Variants in SLC17A5 observed in about 807,000 individuals in gnomAD.
SLC17A5 encodes the protein solute carrier family 17 member 5.
SLC17A5 carries 47 observed loss-of-function variants against 59.4 expected under a neutral mutation model. The observed-to-expected ratio is 0.79, with a 90% CI of 0.63 to 1.01. SLC17A5 has a LOEUF of 1.01. Ranked by LOEUF, SLC17A5 falls within the 50% of genes least tolerant of loss-of-function variation. The pLI, the probability that SLC17A5 is intolerant of heterozygous loss-of-function variation, is 0.00. For synonymous variants in SLC17A5, 202 were observed against 210.7 expected (o/e 0.96, Z 0.36); for missense variants, 522 against 595.5 (o/e 0.88, Z 1.28).
Position 73,597,068 on chromosome 6 carries a change from G to A in SLC17A5, c.1351-1854C>T, listed in dbSNP as rs554016425. ...CCCAGCTACTCGGGAGGCTGAGGCA[G>A]GAGAATTGCTTGAACCTGGGAGGCG... On this transcript the variant is annotated intron_variant, in intron 10 of 10. Coordinates refer to ENST00000355773, the MANE Select transcript of SLC17A5 (RefSeq NM_012434.5). Among the ~76,000 whole-genome samples the A allele has an allele frequency of 3.3e-5, 5 of 152,266 alleles. No homozygotes were observed. The East Asian group carries it at 9.7e-4, about 29-fold the overall frequency.
chr6:73,648,689 T>C (rs1009569094), intron 1 of SLC17A5, among the ~76,000 whole-genome samples: 2 of 152,130 alleles, frequency 1.3e-5, no homozygotes, highest in Non-Finnish European at 2.9e-5. Flanking sequence ...GACAAAGTAC[T>C]ATGTACGTAT....
chr6:73,638,411 C>T lies in SLC17A5; in HGVS notation c.613+1G>A, dbSNP rs1769124033. On this transcript the variant is annotated splice_donor_variant, in intron 4 of 10. Coordinates refer to ENST00000355773, the MANE Select transcript of SLC17A5 (RefSeq NM_012434.5). LOFTEE classifies it high-confidence loss of function. ...GCAAAATTTGGTAATTGTTATCTCA[C>T]CTGCATATGAAATGCTAAGAAGTTT... 1.2e-6 allele frequency: 2 copies of T among 1,611,452 alleles called. No homozygotes were observed. Among genetic ancestry groups the T allele is most frequent in the Non-Finnish European group, 8.5e-7 (1 of 1,177,716 alleles).
intron 3 of SLC17A5, among the ~76,000 whole-genome samples, chr6:73,640,885 T>C (rs1390661680): frequency 6.6e-6 from 1 of 152,088 alleles, no homozygotes; most frequent in Non-Finnish European, 1.5e-5. Flanking sequence ...TAGAACTAAA[T>C]TGAGATAGTT....
Position 73,610,354 on chromosome 6 carries a change from A to C in SLC17A5, c.1259+46T>G, listed in dbSNP as rs200166924. The C allele has an allele frequency of 9.3e-6, 15 of 1,606,130 alleles. No individual in the cohort carries two copies. In the Admixed American group the frequency reaches 2.3e-4, roughly 25 times the overall value. ...TGGCCTTTTATCAGGATTTTTAAAAATATAATTTAAAGTCAATCACAGCAA... is the reference window on the plus strand; with the variant it reads ...TGGCCTTTTATCAGGATTTTTAAAACTATAATTTAAAGTCAATCACAGCAA... On this transcript the variant is annotated intron_variant, in intron 9 of 10. Coordinates refer to ENST00000355773, the MANE Select transcript of SLC17A5 (RefSeq NM_012434.5).
intron 6 of SLC17A5, among the ~76,000 whole-genome samples, chr6:73,632,382 G>A (rs1768779199): frequency 6.9e-6 from 1 of 144,178 alleles, no homozygotes; most frequent in Non-Finnish European, 1.5e-5. Flanking sequence ...GAAGTGTGTC[G>A]AGAAACAACC....
chr6:73,618,551 A>G, intron 7 of SLC17A5: 1 of 527,010 alleles, frequency 1.9e-6, no homozygotes, highest in South Asian at 1.6e-5. Flanking sequence ...ACAGGAGGAA[A>G]AGCAAGGCTT....
chr6:73,598,086 C>T (rs1766898925), intron 10 of SLC17A5, among the ~76,000 whole-genome samples: 2 of 152,150 alleles, frequency 1.3e-5, no homozygotes, highest in Admixed American at 1.3e-4. Flanking sequence ...CAAAGCTGCC[C>T]TGTGTGGTCT....
rs149893704 is a variant in SLC17A5, at chr6:73,608,700, C to T, written c.1259+1700G>A. On this transcript the variant is annotated intron_variant, in intron 9 of 10. Transcript: ENST00000355773. ...CAATTCCCATATCCCTTTGACTATT[C>T]GTCAATCCTAGGCTTGACAAAACCT... 4.1e-4 allele frequency among the ~76,000 whole-genome samples: 62 copies of T among 152,260 alleles called. 4 individuals carry two copies. In the East Asian group the frequency reaches 0.01, roughly 25 times the overall value.
chr6:73,646,513 C>T (rs1408086743), intron 1 of SLC17A5, among the ~76,000 whole-genome samples: 1 of 152,048 alleles, frequency 6.6e-6, no homozygotes, highest in East Asian at 1.9e-4. Context: ...TAGTTAGATC[C>T]AGATCTGTAA....
intron 1 of SLC17A5, among the ~76,000 whole-genome samples, chr6:73,645,896 T>C (rs1186984997): frequency 6.6e-6 from 1 of 152,050 alleles, no homozygotes; most frequent in Non-Finnish European, 1.5e-5. Flanking sequence ...ACTGTGGGCT[T>C]ATGCATAGTT....
At chr6:73,628,746 T>C (rs1322852686) in intron 6 of SLC17A5, among the ~76,000 whole-genome samples, 1 of 152,220 alleles carries the variant, frequency 6.6e-6, no homozygotes, top group Non-Finnish European at 1.5e-5. Flanking sequence ...GAATGTATCA[T>C]CGAATTTCTA....
At chr6:73,632,847 T>C (rs551914462) in intron 6 of SLC17A5, among the ~76,000 whole-genome samples, 2 of 149,550 alleles carry the variant, frequency 1.3e-5, no homozygotes, top group South Asian at 2.1e-4. Context: ...TACCCATCAA[T>C]GTTGAGAAAA....
rs117078621 is a variant in SLC17A5 at position 73,653,074 on chromosome 6, C to T, written c.94+719G>A. The T allele has an allele frequency of 5.5e-3, 5,456 of 985,438 alleles. 22 individuals are homozygous for T. The highest frequency in any genetic ancestry group is 9.9e-3 in the Middle Eastern group (19 of 1,914). 61.0% of individuals were successfully genotyped at this position (985,438 alleles called of 1,614,324 possible). ...AATTACTTTAGAACTCCATAGGTATCTTGAGGATAACTGAACCTTTTCCTA... is the reference window on the plus strand; with the variant it reads ...AATTACTTTAGAACTCCATAGGTATTTTGAGGATAACTGAACCTTTTCCTA... On this transcript the variant is annotated intron_variant, in intron 1 of 10. Coordinates refer to ENST00000355773, the MANE Select transcript of SLC17A5 (RefSeq NM_012434.5).
intron 6 of SLC17A5, among the ~76,000 whole-genome samples, chr6:73,624,745 G>A (rs959028001): frequency 1.3e-5 from 2 of 151,904 alleles, no homozygotes; most frequent in Non-Finnish European, 2.9e-5. Context: ...GTGGTGGCGC[G>A]ACCTGTAGTC....
chr6:73,602,422 C>T (rs1561985181), intron 9 of SLC17A5, among the ~76,000 whole-genome samples: 1 of 144,008 alleles, frequency 6.9e-6, no homozygotes, highest in Non-Finnish European at 1.5e-5. Flanking sequence ...GAGAAACACC[C>T]AAGAATGATC....
Position 73,595,055 on chromosome 6 carries a change from G to A in SLC17A5, c.*22C>T. 1 of 1,613,094 alleles carries A rather than the reference G, an allele frequency of 6.2e-7. No individual in the cohort carries two copies. On this transcript the variant is annotated 3_prime_UTR_variant, in exon 11 of 11. Transcript: ENST00000355773. ...GATAAATAAAAATACATTAATAGAG[G>A]CAGGATTATTTATTGGTTCCTTCAG...
Position 73,614,379 on chromosome 6 carries a change from A to T in SLC17A5, c.1111+936T>A, listed in dbSNP as rs566862238. Among the ~76,000 whole-genome samples, 4 of 152,328 alleles carry T rather than the reference A, an allele frequency of 2.6e-5. No homozygotes were observed. In the East Asian group the frequency reaches 7.7e-4, roughly 29 times the overall value. ...CTTGAGGCCAGGAATTCAAGACCAG[A>T]CGGGGCAACATAGCAAGACCCCATT... On this transcript the variant is annotated intron_variant, in intron 8 of 10. Transcript: ENST00000355773.
At chr6:73,605,877 T>C (rs569615078) in intron 9 of SLC17A5, among the ~76,000 whole-genome samples, 97 of 151,946 alleles carry the variant, frequency 6.4e-4, no homozygotes, top group African/African-American at 2.3e-3. Flanking sequence ...CTTGGGAGGC[T>C]GAGGCAGGAG....
chr6:73,619,788 C>T (rs1056160312), intron 7 of SLC17A5, among the ~76,000 whole-genome samples: 1 of 151,916 alleles, frequency 6.6e-6, no homozygotes, highest in African/African-American at 2.4e-5. Context: ...TAATTACTGG[C>T]CAGCTATTGA....
Sources: allele counts gnomAD v4.1 joint callset (sites outside exome capture counted in the v4.1 genomes callset), GRCh38; gene constraint gnomAD v4.1.1; transcripts MANE v1.5; gene names NCBI Gene and HGNC (gene_info 2026-07-23, HGNC 2026-07-21).